Variants in CCDC171 observed in about 807,000 individuals in gnomAD.
CCDC171 encodes the protein coiled-coil domain containing 171.
A neutral mutation model predicts 168.2 loss-of-function variants in CCDC171; 177 were observed. The observed-to-expected ratio is 1.05, with a 90% confidence interval of 0.93 to 1.19. The LOEUF is 1.19. Ranked by LOEUF, CCDC171 falls within the 50% of genes most tolerant of loss-of-function variation. The pLI is 0.00. For missense variants in CCDC171, 1,991 were observed against 1,539.0 expected (o/e 1.29, Z -4.91); for synonymous variants, 687 against 540.8 (o/e 1.27, Z -3.75).
intron 21 of CCDC171, among the ~76,000 whole-genome samples, chr9:15,801,913 A>G (rs1212216802): frequency 6.6e-6 from 1 of 151,988 alleles, no homozygotes; most frequent in Non-Finnish European, 1.5e-5. Context: ...TGTTTATATG[A>G]TGTATCACAT....
At chr9:15,700,830 G>C (rs1421335292) in intron 11 of CCDC171, among the ~76,000 whole-genome samples, 2 of 151,642 alleles carry the variant, frequency 1.3e-5, no homozygotes, top group Non-Finnish European at 2.9e-5. Context: ...TTTCATAATA[G>C]CTGTACTAAT....
At chr9:16,063,896 A>G (rs1276326887), downstream of CCDC171, among the ~76,000 whole-genome samples, 1 of 152,222 alleles carries the variant, frequency 6.6e-6, no homozygotes, top group Non-Finnish European at 1.5e-5. Context: ...AGTGAATTCT[A>G]AATGCAGAGA....
chr9:15,783,566 T>C (rs1473422865), intron 20 of CCDC171, among the ~76,000 whole-genome samples: 2 of 152,218 alleles, frequency 1.3e-5, no homozygotes, highest in African/African-American at 2.4e-5. Context: ...TTTCCACATA[T>C]ATTTCTCAGG....
the CCDC171 span, among the ~76,000 whole-genome samples, chr9:16,095,899 T>TATATATATATATATATACAC: frequency 7.0e-4 from 98 of 140,176 alleles, 1 homozygote; most frequent in African/African-American, 2.6e-3. Flanking sequence ...TATATATATA[T>TATATATATATATATATACAC]ACTGCCTCCA....
intron 21 of CCDC171, among the ~76,000 whole-genome samples, chr9:15,833,902 C>T (rs962811575): frequency 1.3e-5 from 2 of 152,130 alleles, no homozygotes; most frequent in Non-Finnish European, 2.9e-5. Context: ...ATTAGTGGAG[C>T]AAGGACCTGA....
chr9:16,032,883 CA>C (rs1833388944), intron 6 of CCDC171, among the ~76,000 whole-genome samples: 2 of 152,172 alleles, frequency 1.3e-5, no homozygotes, highest in African/African-American at 4.8e-5. Context: ...GGGACAAATG[CA>C]CAGGCTCTCC....
chr9:15,752,901 A>G (rs578027450), intron 18 of CCDC171, among the ~76,000 whole-genome samples: 1 of 152,254 alleles, frequency 6.6e-6, no homozygotes, highest in East Asian at 1.9e-4. Flanking sequence ...ATAAAAAAAG[A>G]AAAAGGTGAT....
At chr9:15,906,676 A>C (rs1022659687) in intron 24 of CCDC171, among the ~76,000 whole-genome samples, 1 of 152,196 alleles carries the variant, frequency 6.6e-6, no homozygotes, top group African/African-American at 2.4e-5. Context: ...TGGCCAGGGC[A>C]ATCAGGCAGG....
chr9:15,590,940 C>G (rs1372695828), intron 4 of CCDC171, among the ~76,000 whole-genome samples: 2 of 151,436 alleles, frequency 1.3e-5, no homozygotes, highest in African/African-American at 2.4e-5. Flanking sequence ...GTCTTGAACT[C>G]CTAGGCTCAA....
intron 11 of CCDC171, among the ~76,000 whole-genome samples, chr9:15,710,681 C>T (rs1011429325): frequency 6.6e-6 from 1 of 152,042 alleles, no homozygotes; most frequent in Non-Finnish European, 1.5e-5. Flanking sequence ...CTGCAACCTC[C>T]ATCTCCCAGG....
chr9:15,723,607 T>C, intron 12 of CCDC171, 74 bp from the exon 13 acceptor site: 5 of 1,011,234 alleles, frequency 4.9e-6, no homozygotes, highest in Non-Finnish European at 7.6e-6. Flanking sequence ...ACTTTTGAGT[T>C]ACCCATCCTT....
At chr9:15,802,783 C>T (rs1198229732) in intron 21 of CCDC171, among the ~76,000 whole-genome samples, 2 of 151,992 alleles carry the variant, frequency 1.3e-5, no homozygotes, top group Non-Finnish European at 2.9e-5. Flanking sequence ...AGTAATGAGA[C>T]TGCTGAGTTA....
chr9:15,922,188 C>A (rs773875825), intron 25 of CCDC171: 10 of 398,548 alleles, frequency 2.5e-5, no homozygotes, highest in South Asian at 1.7e-4. Flanking sequence ...AAACATTCCC[C>A]CAGGTGATTC....
At chr9:15,674,258 T>C (rs1025209898) in intron 9 of CCDC171, among the ~76,000 whole-genome samples, 1 of 152,180 alleles carries the variant, frequency 6.6e-6, no homozygotes, top group Admixed American at 6.5e-5. Flanking sequence ...CTTTTCTTGT[T>C]TATTAATATT....
In CCDC171 at chr9:15,724,841, C is replaced by T. The variant is rs771367315; in HGVS notation, c.1557C>T (p.Asp519=). Residue 519 remains aspartate (D), a synonymous_variant, in exon 14 of 26, where the codon GAC becomes GAT. Transcript: ENST00000380701. ...ELSHLHTKCA[D]REALISTLKV... is the part of the protein sequence containing the mutation. ...GTCATTTACACACTAAATGTGCAGA[C>T]CGAGAGGCTTTAATAAGCACTTTAA... is the stretch of plus-strand genomic sequence containing the variant. 1.9e-6 allele frequency: 3 copies of T among 1,613,736 alleles called. No individual in the cohort carries two copies. Among genetic ancestry groups the T allele is most frequent in the Non-Finnish European group, 2.5e-6 (3 of 1,179,732 alleles).
At chr9:15,660,466 C>T (rs141183246) in intron 8 of CCDC171, among the ~76,000 whole-genome samples, 1 of 152,180 alleles carries the variant, frequency 6.6e-6, no homozygotes, top group Non-Finnish European at 1.5e-5. Context: ...ACTCTTGCCC[C>T]CTTCCTGCCC....
chr9:15,588,641 C>A, intron 4 of CCDC171: 1 of 271,634 alleles, frequency 3.7e-6, no homozygotes, highest in Non-Finnish European at 7.8e-6. Context: ...GATAACTGTG[C>A]ACTTTTGGTG....
intron 24 of CCDC171, among the ~76,000 whole-genome samples, chr9:15,897,866 C>G (rs1355657256): frequency 1.3e-5 from 2 of 152,128 alleles, no homozygotes; most frequent in African/African-American, 4.8e-5. Context: ...AAACTTGGAA[C>G]ACATTGAGTG....
At chr9:15,961,392 G>T (rs1032662295) in intron 25 of CCDC171, among the ~76,000 whole-genome samples, 8 of 152,158 alleles carry the variant, frequency 5.3e-5, no homozygotes, top group African/African-American at 1.7e-4. Flanking sequence ...CACAGAAGTC[G>T]TAATTTGGCA....
Sources: gnomAD v4.1 joint callset for allele counts (sites outside exome capture counted in the v4.1 genomes callset) on GRCh38, gnomAD v4.1.1 for gene constraint, MANE v1.5 for transcripts, NCBI Gene and HGNC (gene_info 2026-07-23, HGNC 2026-07-21) for gene names.